The following EPHB2 variants were observed in gnomAD, a reference collection of about 807,000 sequenced individuals.
EPHB2 encodes EPH receptor B2.
Under a neutral mutation model 96.4 loss-of-function variants are expected in EPHB2, and 18 were observed. The ratio of observed to expected loss-of-function variants is 0.19; its 90% confidence interval spans 0.13 to 0.28. The LOEUF (loss-of-function observed/expected upper bound fraction) is 0.28, where lower values mean the gene tolerates loss of function less well. Among genes scored for constraint, EPHB2 ranks in the 10% least tolerant of loss-of-function variants. EPHB2 has a pLI of 1.00. For missense variants in EPHB2, 989 were observed against 1,355.4 expected (o/e 0.73, Z 4.25); for synonymous variants, 506 against 534.1 (o/e 0.95, Z 0.72).
At chr1:22,827,754 T>C (rs184283022) in intron 3 of EPHB2, among the ~76,000 whole-genome samples, 54 of 152,330 alleles carry the variant, frequency 3.5e-4, no homozygotes, top group Middle Eastern at 3.4e-3. Flanking sequence ...AAAAGAAGCC[T>C]AATTCTGAGT....
intron 6 of EPHB2, among the ~76,000 whole-genome samples, chr1:22,887,343 AAC>A (rs1318064510): frequency 7.9e-5 from 12 of 152,136 alleles, no homozygotes; most frequent in Non-Finnish European, 1.6e-4. Flanking sequence ...GCTGTTACCT[AAC>A]ACAGGAATCC....
Position 22,751,284 on chromosome 1 carries a change from C to G in EPHB2, c.62-30137C>G, listed in dbSNP as rs536451457. On this transcript the variant is annotated intron_variant, in intron 1 of 15. Transcript: ENST00000374630. Reference sequence around the variant, plus strand: ...TGGGAGCGCTCACCTGCCACCCACGCCCATCTGCTTCCTGCACGCAGGACT... The same window carrying G: ...TGGGAGCGCTCACCTGCCACCCACGGCCATCTGCTTCCTGCACGCAGGACT... Among the ~76,000 whole-genome samples, 14 of 152,254 alleles carry G rather than the reference C, an allele frequency of 9.2e-5. No individual in the cohort carries two copies. In the South Asian group the frequency reaches 2.7e-3, roughly 29 times the overall value.
intron 3 of EPHB2, among the ~76,000 whole-genome samples, chr1:22,849,905 T>A (rs1235687422): frequency 1.3e-5 from 2 of 152,030 alleles, no homozygotes; most frequent in African/African-American, 4.8e-5. Context: ...TGGGCCCGGG[T>A]AAAGGGGCCC....
At chr1:22,874,954 C>G (rs940851110) in intron 5 of EPHB2, among the ~76,000 whole-genome samples, 1 of 152,176 alleles carries the variant, frequency 6.6e-6, no homozygotes, top group African/African-American at 2.4e-5. Flanking sequence ...GATGTCTCCC[C>G]TGCGGGACTT....
At chr1:22,761,433 GA>G (rs1389868238) in intron 1 of EPHB2, among the ~76,000 whole-genome samples, 1 of 152,046 alleles carries the variant, frequency 6.6e-6, no homozygotes, top group Non-Finnish European at 1.5e-5. Context: ...CTTTTATAAT[GA>G]AAAAAATAAA....
intron 3 of EPHB2, among the ~76,000 whole-genome samples, chr1:22,809,569 C>T (rs1172184947): frequency 2.6e-5 from 4 of 152,178 alleles, no homozygotes; most frequent in African/African-American, 9.7e-5. Context: ...CATCTCTCTG[C>T]AAGGTAGACA....
In EPHB2 at chr1:22,836,337, G is replaced by A. The variant is rs143908049; in HGVS notation, c.812-26700G>A. On this transcript the variant is annotated intron_variant, in intron 3 of 15. Transcript: ENST00000374630. ...CACAAAGATGAACCAGACAAGGAGT[G>A]CGCCGAGGCCCTTTCACTTGTCCCC... is the stretch of plus-strand genomic sequence containing the variant. 2.6e-3 allele frequency among the ~76,000 whole-genome samples: 396 copies of A among 152,368 alleles called. 1 individual carries two copies. The highest frequency in any genetic ancestry group is 8.3e-3 in the South Asian group (40 of 4,826).
intron 6 of EPHB2, among the ~76,000 whole-genome samples, chr1:22,886,922 G>A (rs960065537): frequency 2.6e-5 from 4 of 151,896 alleles, no homozygotes; most frequent in Non-Finnish European, 5.9e-5. Context: ...CACCGCGCCC[G>A]GCCAGCAAAG....
rs1639446822 is a variant in EPHB2 at position 22,893,110 on chromosome 1, C to T, written c.1591+64C>T. ...CCACAAACAGAACAAACTCAAGGGT[C>T]ACCATTCTCATGAAGCACCTTTGTG... On this transcript the variant is annotated intron_variant, in intron 7 of 15. Coordinates refer to ENST00000374630, the MANE Select transcript of EPHB2 (RefSeq NM_017449.5). 2.5e-6 allele frequency: 4 copies of T among 1,611,450 alleles called. No homozygotes were observed. The South Asian group carries it at 3.3e-5, about 13-fold the overall frequency.
chr1:22,905,857 G>T, intron 9 of EPHB2, 130 bp from the exon 10 acceptor site: 1 of 1,434,558 alleles, frequency 7.0e-7, no homozygotes, highest in Non-Finnish European at 9.6e-7. Context: ...GTGACCTGCA[G>T]GGAGTTGCCC....
chr1:22,809,250 C>T (rs74061032), intron 3 of EPHB2, among the ~76,000 whole-genome samples: 6,663 of 152,264 alleles, frequency 0.044, 436 homozygotes, highest in African/African-American at 0.15. Flanking sequence ...GGAAAATTAA[C>T]GAGCTGCTCC....
chr1:22,800,601 A>G (rs966999059), intron 3 of EPHB2, among the ~76,000 whole-genome samples: 2 of 152,198 alleles, frequency 1.3e-5, no homozygotes, highest in African/African-American at 2.4e-5. Flanking sequence ...GAAATCAGCC[A>G]GAGTATTCAG....
chr1:22,872,599 A>G (rs747117075), intron 5 of EPHB2, among the ~76,000 whole-genome samples: 4 of 152,156 alleles, frequency 2.6e-5, no homozygotes, highest in Non-Finnish European at 5.9e-5. Context: ...CTCCTTTTAG[A>G]AGAAAACTGA....
chr1:22,878,898 G>A (rs190804317), intron 5 of EPHB2, among the ~76,000 whole-genome samples: 130 of 152,330 alleles, frequency 8.5e-4, no homozygotes, highest in Admixed American at 1.3e-3. Flanking sequence ...CTCCTCACCC[G>A]TCCTTGCCCT....
chr1:22,736,199 C>T (rs1187283606), intron 1 of EPHB2, among the ~76,000 whole-genome samples: 1 of 152,124 alleles, frequency 6.6e-6, no homozygotes, highest in Non-Finnish European at 1.5e-5. Flanking sequence ...ACACGGGGGT[C>T]TACAGGAGGC....
At chr1:22,754,878 T>G (rs376001444) in intron 1 of EPHB2, among the ~76,000 whole-genome samples, 1,028 of 12,736 alleles carry the variant, frequency 0.081, no homozygotes, top group South Asian at 0.16. Flanking sequence ...AAGGGGCAGG[T>G]GAGGTGAGGC....
rs1355492695 is a variant in EPHB2 at position 22,808,969 on chromosome 1, T to TA, written c.811+23894dup. On this transcript the variant is annotated intron_variant, in intron 3 of 15. Transcript: ENST00000374630. ...CGGGCTGCTGGGCATCCTGCCTTGCTATAAGGCCTTGGCTTCTCCCACTCC... is the reference window on the plus strand; with the variant it reads ...CGGGCTGCTGGGCATCCTGCCTTGCTAATAAGGCCTTGGCTTCTCCCACTCC... Among the ~76,000 whole-genome samples, 7 of 152,346 alleles carry TA rather than the reference T, an allele frequency of 4.6e-5. No individual in the cohort carries two copies. In the East Asian group the frequency reaches 1.3e-3, roughly 29 times the overall value.
chr1:22,715,970 CAAT>C (rs1191903838), intron 1 of EPHB2, among the ~76,000 whole-genome samples: 1 of 152,236 alleles, frequency 6.6e-6, no homozygotes, highest in African/African-American at 2.4e-5. Flanking sequence ...GTCCTTCCCT[CAAT>C]GATGGCGACG....
chr1:22,874,741 C>G (rs1209584884), intron 5 of EPHB2, among the ~76,000 whole-genome samples: 1 of 152,174 alleles, frequency 6.6e-6, no homozygotes, highest in Non-Finnish European at 1.5e-5. Flanking sequence ...AGCACATGAA[C>G]AGCCAATTGC....
Sources: allele counts gnomAD v4.1 joint callset (sites outside exome capture counted in the v4.1 genomes callset), GRCh38; gene constraint gnomAD v4.1.1; transcripts MANE v1.5; gene names NCBI Gene and HGNC (gene_info 2026-07-23, HGNC 2026-07-21).